The following NALF1 variants were observed in gnomAD, a reference collection of about 807,000 sequenced individuals.
NALF1 encodes the protein family with sequence similarity 155 member A.
NALF1 carries 3 observed loss-of-function variants against 48.4 expected under a neutral mutation model. That is an observed-to-expected ratio of 0.06 (90% confidence interval 0.03 to 0.16). The LOEUF (loss-of-function observed/expected upper bound fraction) is 0.16, where lower values mean the gene tolerates loss of function less well. Among genes scored for constraint, NALF1 ranks in the 10% least tolerant of loss-of-function variants. NALF1 has a pLI of 1.00. For missense variants in NALF1, 526 were observed against 571.5 expected (o/e 0.92, Z 0.81); for synonymous variants, 262 against 245.7 (o/e 1.07, Z -0.62).
At chr13:107,471,328 A>G (rs1372485725) in intron 1 of NALF1, among the ~76,000 whole-genome samples, 1 of 152,210 alleles carries the variant, frequency 6.6e-6, no homozygotes, top group Non-Finnish European at 1.5e-5. Flanking sequence ...ATGTACATAT[A>G]AGAAAGAGCA....
chr13:107,792,885 C>T (rs898178477), intron 1 of NALF1, among the ~76,000 whole-genome samples: 1 of 152,134 alleles, frequency 6.6e-6, no homozygotes, highest in Non-Finnish European at 1.5e-5. Flanking sequence ...TCATAGCTCA[C>T]TACAGCCATG....
At chr13:107,459,112 A>C (rs1203912612) in intron 1 of NALF1, among the ~76,000 whole-genome samples, 1 of 152,178 alleles carries the variant, frequency 6.6e-6, no homozygotes, top group Non-Finnish European at 1.5e-5. Flanking sequence ...TTAAAAGAAT[A>C]AGAAGACAAG....
intron 1 of NALF1, among the ~76,000 whole-genome samples, chr13:107,673,176 T>C (rs1000303398): frequency 2.6e-5 from 4 of 152,208 alleles, no homozygotes; most frequent in African/African-American, 7.2e-5. Flanking sequence ...CTTATTACTA[T>C]GACTCCTTTT....
intron 1 of NALF1, among the ~76,000 whole-genome samples, chr13:107,762,930 C>A (rs1877308229): frequency 6.6e-6 from 1 of 151,950 alleles, no homozygotes; most frequent in Non-Finnish European, 1.5e-5. Context: ...TAATTAGAAG[C>A]TTTTTAGAGA....
At position 107,535,091 on chromosome 13, in the gene NALF1, T is replaced by C. The variant is rs551894135; in HGVS notation, c.916-324336A>G. On this transcript the variant is annotated intron_variant, in intron 1 of 2. Transcript: ENST00000375915. Reference sequence around the variant, plus strand: ...AGCTTAAGGAGATTTTGGGTCAAGATGATGGGGCTAAATATACAATCATGT... The same window carrying C: ...AGCTTAAGGAGATTTTGGGTCAAGACGATGGGGCTAAATATACAATCATGT... Among the ~76,000 whole-genome samples, 4 of 152,256 alleles carry C rather than the reference T, an allele frequency of 2.6e-5. No homozygotes were observed. In the East Asian group the frequency reaches 5.8e-4, roughly 22 times the overall value.
At chr13:107,634,838 G>C (rs567450771) in intron 1 of NALF1, among the ~76,000 whole-genome samples, 2 of 152,110 alleles carry the variant, frequency 1.3e-5, no homozygotes, top group Non-Finnish European at 2.9e-5. Context: ...ACTCTACAGA[G>C]AGCAAATGGT....
chr13:107,546,361 T>C (rs1877137281), intron 1 of NALF1, among the ~76,000 whole-genome samples: 1 of 152,182 alleles, frequency 6.6e-6, no homozygotes, highest in Admixed American at 6.5e-5. Flanking sequence ...GGCTAGGCTT[T>C]CCCAGCACAG....
chr13:107,323,167 G>T (rs1475965923), intron 1 of NALF1, among the ~76,000 whole-genome samples: 2 of 152,056 alleles, frequency 1.3e-5, no homozygotes, highest in African/African-American at 4.8e-5. Flanking sequence ...TCAGTAGCAG[G>T]ATTCAAGTCT....
intron 1 of NALF1, among the ~76,000 whole-genome samples, chr13:107,370,015 G>A (rs543627920): frequency 9.9e-5 from 15 of 152,212 alleles, no homozygotes; most frequent in Admixed American, 3.9e-4. Flanking sequence ...AGAAAAACTC[G>A]TCATGGAAAG....
intron 1 of NALF1, among the ~76,000 whole-genome samples, chr13:107,739,660 G>T (rs1876574186): frequency 6.6e-6 from 1 of 152,028 alleles, no homozygotes; most frequent in Non-Finnish European, 1.5e-5. Flanking sequence ...TCAAGAAACT[G>T]AACTCTATAG....
At chr13:107,198,897 C>T (rs1432676430) in intron 2 of NALF1, among the ~76,000 whole-genome samples, 2 of 152,176 alleles carry the variant, frequency 1.3e-5, no homozygotes, top group Non-Finnish European at 2.9e-5. Context: ...TTTTTATACG[C>T]TGTTATGGGA....
chr13:107,593,674 T>C (rs1310163668), intron 1 of NALF1, among the ~76,000 whole-genome samples: 25 of 151,914 alleles, frequency 1.6e-4, no homozygotes. Context: ...ACATACATCA[T>C]TTGCTTGACA....
intron 1 of NALF1, among the ~76,000 whole-genome samples, chr13:107,528,953 T>C (rs1352979248): frequency 6.6e-6 from 1 of 152,170 alleles, no homozygotes; most frequent in African/African-American, 2.4e-5. Flanking sequence ...GTTAGGTACA[T>C]GGCCTCTGCC....
In NALF1 at chr13:107,866,757, T is replaced by C. The variant is rs914516345; in HGVS notation, c.-161A>G. The C allele has an allele frequency of 3.3e-5, 14 of 421,066 alleles. No individual in the cohort carries two copies. Among genetic ancestry groups the C allele is most frequent in the Non-Finnish European group, 4.7e-5 (11 of 232,476 alleles). 26.1% of individuals were successfully genotyped at this position (421,066 alleles called of 1,614,324 possible). On this transcript the variant is annotated 5_prime_UTR_variant, in exon 1 of 3. Coordinates refer to ENST00000375915, the MANE Select transcript of NALF1 (RefSeq NM_001080396.3). The surrounding 1 kb of genome is among the most constrained non-coding windows in gnomAD (Gnocchi z 4.4). Reference sequence around the variant, plus strand: ...TCTCTCTTCCCCTCTCCCTCTCTCCTCTCTCTCTCTCTCCCTCTCCCTCTC... The same window carrying C: ...TCTCTCTTCCCCTCTCCCTCTCTCCCCTCTCTCTCTCTCCCTCTCCCTCTC...
At chr13:107,613,644 T>C (rs1366529290) in intron 1 of NALF1, among the ~76,000 whole-genome samples, 1 of 152,226 alleles carries the variant, frequency 6.6e-6, no homozygotes, top group East Asian at 1.9e-4. Context: ...AACAAATCAC[T>C]ACTTTATCTG....
chr13:107,296,639 A>G (rs938629349), intron 1 of NALF1, among the ~76,000 whole-genome samples: 3 of 152,198 alleles, frequency 2.0e-5, no homozygotes, highest in East Asian at 1.9e-4. Context: ...TTGATGAGCA[A>G]TGAGCTATCA....
chr13:107,784,350 C>T (rs903764506), intron 1 of NALF1, among the ~76,000 whole-genome samples: 2 of 152,146 alleles, frequency 1.3e-5, no homozygotes, highest in Admixed American at 1.3e-4. Flanking sequence ...CAAAGGCATC[C>T]ACAAATACCA....
intron 1 of NALF1, among the ~76,000 whole-genome samples, chr13:107,660,950 TA>T (rs1036734906): frequency 2.6e-5 from 4 of 150,966 alleles, no homozygotes; most frequent in African/African-American, 9.7e-5. Flanking sequence ...AAAATTTGTC[TA>T]AAAAAAAAGT....
At chr13:107,594,562 T>C (rs1878690846) in intron 1 of NALF1, among the ~76,000 whole-genome samples, 1 of 152,074 alleles carries the variant, frequency 6.6e-6, no homozygotes, top group Non-Finnish European at 1.5e-5. Context: ...GTACATTTAC[T>C]GTCCTTCAAA....
Sources: gnomAD v4.1 joint callset for allele counts (sites outside exome capture counted in the v4.1 genomes callset) on GRCh38, gnomAD v4.1.1 for gene constraint, Gnocchi (gnomAD v3.1) non-coding constraint, MANE v1.5 for transcripts, NCBI Gene and HGNC (gene_info 2026-07-23, HGNC 2026-07-21) for gene names.